GRID2: variants seen among roughly 807,000 people sequenced by gnomAD.
The protein encoded by GRID2 is glutamate ionotropic receptor delta type subunit 2, also known as glutamate receptor ionotropic, delta-2.
A neutral mutation model predicts 114.8 loss-of-function variants in GRID2; 33 were observed. The ratio of observed to expected loss-of-function variants is 0.29; its 90% CI spans 0.22 to 0.38. GRID2 has a LOEUF of 0.38. GRID2 is among the 10% of genes least tolerant of loss of function. The pLI is 1.00. For synonymous variants in GRID2, 505 were observed against 449.9 expected (o/e 1.12, Z -1.55); for missense variants, 1,184 against 1,257.7 (o/e 0.94, Z 0.89).
intron 14 of GRID2, among the ~76,000 whole-genome samples, chr4:93,704,205 G>A (rs970631795): frequency 1.7e-4 from 26 of 152,136 alleles, no homozygotes; most frequent in Non-Finnish European, 2.9e-4. Context: ...GTGTGAGATG[G>A]TATCTCATTG....
intron 8 of GRID2, among the ~76,000 whole-genome samples, chr4:93,260,111 T>G (rs1750090137): frequency 6.6e-6 from 1 of 151,724 alleles, no homozygotes; most frequent in African/African-American, 2.4e-5. Flanking sequence ...AATGCATGCT[T>G]ATTTTGGAAG....
At chr4:93,618,241 T>TA (rs1741892622) in intron 13 of GRID2, among the ~76,000 whole-genome samples, 2 of 152,240 alleles carry the variant, frequency 1.3e-5, no homozygotes, top group Admixed American at 1.3e-4. Context: ...TCCAGTTAAG[T>TA]GCTCTTCTTA....
rs1455584164 is a variant in GRID2, at chr4:92,443,057, GGAA to G, written c.88+138316_88+138318del. Among the ~76,000 whole-genome samples the G allele has an allele frequency of 2.0e-5, 3 of 152,214 alleles. No homozygotes were observed. The South Asian group carries it at 6.2e-4, about 32-fold the overall frequency. On this transcript the variant is annotated intron_variant, in intron 1 of 15. Transcript: ENST00000282020. ...AGAGGTCAGATGGGTCTGTAGAAAAGGAAGATTAGAAAGACTCAGCGAGGCTTG... is the reference window on the plus strand; with the variant it reads ...AGAGGTCAGATGGGTCTGTAGAAAAGGATTAGAAAGACTCAGCGAGGCTTG...
intron 2 of GRID2, among the ~76,000 whole-genome samples, chr4:93,058,979 A>G (rs1727525407): frequency 6.6e-6 from 1 of 152,088 alleles, no homozygotes. Flanking sequence ...CTGACGCTGT[A>G]TAACCATTTG....
At chr4:93,571,891 T>A (rs1366171693) in intron 13 of GRID2, among the ~76,000 whole-genome samples, 1 of 152,114 alleles carries the variant, frequency 6.6e-6, no homozygotes, top group Admixed American at 6.6e-5. Context: ...TCCCCAGCTC[T>A]GTTAACCTTC....
At chr4:92,474,171 C>T (rs1722180458) in intron 1 of GRID2, among the ~76,000 whole-genome samples, 1 of 152,040 alleles carries the variant, frequency 6.6e-6, no homozygotes, top group Non-Finnish European at 1.5e-5. Flanking sequence ...ACATCTCTCC[C>T]ATTTCCTACC....
intron 4 of GRID2, among the ~76,000 whole-genome samples, chr4:93,173,198 C>T (rs1024482291): frequency 6.6e-6 from 1 of 151,942 alleles, no homozygotes; most frequent in Non-Finnish European, 1.5e-5. Flanking sequence ...GAAAATTAAT[C>T]CAATAGATTT....
At chr4:93,282,441 A>G in intron 8 of GRID2, 1 of 429,554 alleles carries the variant, frequency 2.3e-6, no homozygotes, top group South Asian at 1.7e-5. Context: ...TTGCTGCATC[A>G]TCTTATGGAA....
rs80193850 is a variant in GRID2 at position 93,376,292 on chromosome 4, C to G, written c.1246-19315C>G. ...AAAGGAGACAAACATTATACACCTG[C>G]TGTTTAAAGTATACAACACAAAATT... On this transcript the variant is annotated intron_variant, in intron 8 of 15. Transcript: ENST00000282020. Among the ~76,000 whole-genome samples, 269 of 152,188 alleles carry G rather than the reference C, an allele frequency of 1.8e-3. 3 individuals carry two copies. The East Asian group carries it at 0.02, about 11-fold the overall frequency.
chr4:92,508,443 A>G (rs915104945), intron 1 of GRID2, among the ~76,000 whole-genome samples: 4 of 151,950 alleles, frequency 2.6e-5, no homozygotes, highest in Non-Finnish European at 5.9e-5. Flanking sequence ...AACGAATGGT[A>G]TATTTTGAAC....
At chr4:93,548,171 CA>C (rs1157966460) in intron 13 of GRID2, among the ~76,000 whole-genome samples, 1 of 151,540 alleles carries the variant, frequency 6.6e-6, no homozygotes, top group Non-Finnish European at 1.5e-5. Context: ...AGTGAGACAC[CA>C]TCTCAATTAA....
Position 93,303,964 on chromosome 4 carries a change from A to T in GRID2, c.1245+65474A>T, listed in dbSNP as rs375044711. On this transcript the variant is annotated intron_variant, in intron 8 of 15. Transcript: ENST00000282020. ...AAAATAATACTTCTCTGAGTATACTAATTGAATTATATTTTTCTTTTCTCA... is the reference window on the plus strand; with the variant it reads ...AAAATAATACTTCTCTGAGTATACTTATTGAATTATATTTTTCTTTTCTCA... Among the ~76,000 whole-genome samples, 26 of 152,152 alleles carry T rather than the reference A, an allele frequency of 1.7e-4. No homozygotes were observed. The East Asian group carries it at 3.9e-3, about 23-fold the overall frequency.
At chr4:93,292,939 G>A (rs2149150110) in intron 8 of GRID2, among the ~76,000 whole-genome samples, 1 of 152,264 alleles carries the variant, frequency 6.6e-6, no homozygotes, top group Non-Finnish European at 1.5e-5. Flanking sequence ...CCCCGGAGAT[G>A]TCCATATGCT....
intron 2 of GRID2, among the ~76,000 whole-genome samples, chr4:93,013,376 G>A (rs1462667877): frequency 3.9e-5 from 6 of 152,030 alleles, no homozygotes; most frequent in African/African-American, 1.2e-4. Flanking sequence ...AACACAGGAT[G>A]TCTTCATATT....
chr4:92,700,522 C>T (rs539104131), intron 2 of GRID2, among the ~76,000 whole-genome samples: 1 of 152,202 alleles, frequency 6.6e-6, no homozygotes, highest in Non-Finnish European at 1.5e-5. Context: ...TCTCCTTTCC[C>T]TTAGTTTTTC....
intron 1 of GRID2, among the ~76,000 whole-genome samples, chr4:92,332,845 T>G (rs1419885414): frequency 6.6e-6 from 1 of 152,218 alleles, no homozygotes; most frequent in Admixed American, 6.5e-5. Context: ...TTTGATTCCA[T>G]GTTGCTCATC....
intron 1 of GRID2, among the ~76,000 whole-genome samples, chr4:92,346,036 GAACA>G (rs1727745874): frequency 6.6e-6 from 1 of 152,090 alleles, no homozygotes; most frequent in African/African-American, 2.4e-5. Context: ...AGCATAATCT[GAACA>G]AACAAGAAGC....
intron 2 of GRID2, among the ~76,000 whole-genome samples, chr4:92,780,611 A>G (rs1054328982): frequency 6.6e-6 from 1 of 152,112 alleles, no homozygotes; most frequent in Non-Finnish European, 1.5e-5. Context: ...CTTTTGTAGC[A>G]CTTAGTCCTT....
intron 1 of GRID2, among the ~76,000 whole-genome samples, chr4:92,373,667 T>A (rs1729220808): frequency 6.6e-6 from 1 of 152,174 alleles, no homozygotes; most frequent in Non-Finnish European, 1.5e-5. Context: ...GACCATGACC[T>A]TTTTTCAAGA....
Sources: gnomAD v4.1 joint callset for allele counts (sites outside exome capture counted in the v4.1 genomes callset) on GRCh38, gnomAD v4.1.1 for gene constraint, MANE v1.5 for transcripts, NCBI Gene and HGNC (gene_info 2026-07-23, HGNC 2026-07-21) for gene names.